The following SLC9A9 variants were observed in gnomAD, a reference collection of about 807,000 sequenced individuals.
SLC9A9 encodes solute carrier family 9 member A9.
SLC9A9 carries 62 observed loss-of-function variants against 77.8 expected under a neutral mutation model. The ratio of observed to expected loss-of-function variants is 0.80; its 90% CI spans 0.65 to 0.98. SLC9A9 has a LOEUF of 0.98. SLC9A9 is among the 50% of genes least tolerant of loss of function. The pLI, the probability that SLC9A9 is intolerant of heterozygous loss-of-function variation, is 0.00. For synonymous variants in SLC9A9, 320 were observed against 283.5 expected, an observed-to-expected ratio of 1.13 and a Z score of -1.29; for missense variants, 775 against 774.9, an observed-to-expected ratio of 1.00 and a Z score of 0.00.
At chr3:143,404,943 T>TA (rs1470910840) in intron 12 of SLC9A9, among the ~76,000 whole-genome samples, 1 of 152,220 alleles carries the variant, frequency 6.6e-6, no homozygotes, top group Admixed American at 6.5e-5. Flanking sequence ...GGTCATAAGT[T>TA]ATGCTTAAGC....
intron 4 of SLC9A9, among the ~76,000 whole-genome samples, chr3:143,721,916 T>C (rs1414540233): frequency 6.6e-6 from 1 of 152,200 alleles, no homozygotes; most frequent in Non-Finnish European, 1.5e-5. Flanking sequence ...CGTTATTTTT[T>C]TAAACAGAAG....
chr3:143,565,636 TG>T (rs747461525), intron 8 of SLC9A9, among the ~76,000 whole-genome samples: 8 of 152,232 alleles, frequency 5.3e-5, no homozygotes, highest in Non-Finnish European at 1.0e-4. Flanking sequence ...TTCAGTGTGC[TG>T]GTTAACTAAT....
chr3:143,549,732 T>C (rs1250343923), intron 9 of SLC9A9, among the ~76,000 whole-genome samples: 1 of 152,158 alleles, frequency 6.6e-6, no homozygotes, highest in Non-Finnish European at 1.5e-5. Flanking sequence ...TGTCATGCCA[T>C]GAGATGCGTT....
At chr3:143,729,364 G>A (rs1560052408) in intron 4 of SLC9A9, among the ~76,000 whole-genome samples, 2 of 152,114 alleles carry the variant, frequency 1.3e-5, no homozygotes, top group East Asian at 1.9e-4. Flanking sequence ...TCTGTAAAAT[G>A]GGCATAATAG....
At chr3:143,443,017 A>G (rs1353628149) in intron 12 of SLC9A9, among the ~76,000 whole-genome samples, 1 of 152,202 alleles carries the variant, frequency 6.6e-6, no homozygotes, top group African/African-American at 2.4e-5. Context: ...CATTTGAGCT[A>G]CATAAAGTAT....
chr3:143,622,234 G>A (rs544064340), intron 6 of SLC9A9, among the ~76,000 whole-genome samples: 3 of 152,254 alleles, frequency 2.0e-5, no homozygotes, highest in South Asian at 2.1e-4. Flanking sequence ...AGCAAGGCAG[G>A]CCAACATTCA....
chr3:143,539,481 A>G (rs1253382835), intron 9 of SLC9A9, among the ~76,000 whole-genome samples: 1 of 152,236 alleles, frequency 6.6e-6, no homozygotes, highest in African/African-American at 2.4e-5. Context: ...GCTCAGGCAC[A>G]CATATTCAGC....
At chr3:143,277,549 G>A (rs1380698903) in intron 14 of SLC9A9, among the ~76,000 whole-genome samples, 1 of 152,040 alleles carries the variant, frequency 6.6e-6, no homozygotes, top group Non-Finnish European at 1.5e-5. Context: ...TTTTCCCTTT[G>A]GACACACAGA....
intron 9 of SLC9A9, among the ~76,000 whole-genome samples, chr3:143,529,739 T>A (rs2033929): frequency 0.19 from 29,283 of 152,146 alleles, 3,446 homozygotes; most frequent in Middle Eastern, 0.35. Flanking sequence ...TATATAGTAC[T>A]TATTCATATT....
intron 13 of SLC9A9, among the ~76,000 whole-genome samples, chr3:143,370,743 A>G (rs974134069): frequency 6.6e-6 from 1 of 152,008 alleles, no homozygotes; most frequent in African/African-American, 2.4e-5. Flanking sequence ...ATGTGTCTAA[A>G]AACAAAGGAA....
chr3:143,804,081 C>T (rs1030828006), intron 2 of SLC9A9, among the ~76,000 whole-genome samples: 3 of 152,140 alleles, frequency 2.0e-5, no homozygotes, highest in Non-Finnish European at 4.4e-5. Context: ...AGCAAAGACC[C>T]ACTGGAATTC....
chr3:143,427,559 T>C (rs1316612219), intron 12 of SLC9A9, among the ~76,000 whole-genome samples: 2 of 152,224 alleles, frequency 1.3e-5, no homozygotes, highest in African/African-American at 4.8e-5. Context: ...AAGCATTATA[T>C]GCAATTTTTA....
intron 8 of SLC9A9, among the ~76,000 whole-genome samples, chr3:143,570,999 A>T (rs1327695676): frequency 6.6e-6 from 1 of 152,234 alleles, no homozygotes; most frequent in Non-Finnish European, 1.5e-5. Context: ...AAGTAGCAGA[A>T]CATTTTTTTT....
At chr3:143,669,951 A>T (rs1467408927) in intron 5 of SLC9A9, among the ~76,000 whole-genome samples, 1 of 152,218 alleles carries the variant, frequency 6.6e-6, no homozygotes, top group Non-Finnish European at 1.5e-5. Flanking sequence ...TTAGTGGGTC[A>T]GTCCAGTATA....
chr3:143,357,382 G>C (rs2032622435), intron 14 of SLC9A9, among the ~76,000 whole-genome samples: 1 of 152,180 alleles, frequency 6.6e-6, no homozygotes, highest in Middle Eastern at 3.4e-3. Flanking sequence ...TCAGTACCTA[G>C]TATATTGCCT....
intron 12 of SLC9A9, among the ~76,000 whole-genome samples, chr3:143,449,973 A>ATG (rs1332650701): frequency 2.3e-5 from 2 of 86,200 alleles, no homozygotes; most frequent in African/African-American, 4.7e-5. Context: ...TATATATAAT[A>ATG]TATATTATAT....
intron 2 of SLC9A9, among the ~76,000 whole-genome samples, chr3:143,821,796 C>G (rs1435408974): frequency 6.6e-6 from 1 of 152,226 alleles, no homozygotes; most frequent in Non-Finnish European, 1.5e-5. Context: ...CTGGGACAAG[C>G]CTGCTCCAGC....
At chr3:143,636,171 G>C (rs2038517011) in intron 6 of SLC9A9, among the ~76,000 whole-genome samples, 1 of 151,970 alleles carries the variant, frequency 6.6e-6, no homozygotes, top group Non-Finnish European at 1.5e-5. Flanking sequence ...GTGTCTTTTT[G>C]GTCCTTTACT....
intron 9 of SLC9A9, among the ~76,000 whole-genome samples, chr3:143,509,651 G>A (rs1182636539): frequency 1.3e-5 from 2 of 152,124 alleles, no homozygotes; most frequent in East Asian, 3.8e-4. Context: ...ACTTATTTCT[G>A]TGGTTTGGGG....
Sources: allele counts gnomAD v4.1 joint callset (sites outside exome capture counted in the v4.1 genomes callset), GRCh38; gene constraint gnomAD v4.1.1; transcripts MANE v1.5; gene names NCBI Gene and HGNC (gene_info 2026-07-23, HGNC 2026-07-21).